The following SEMA3C variants were observed in gnomAD, a reference collection of about 807,000 sequenced individuals.
SEMA3C encodes the protein semaphorin-3C.
SEMA3C carries 47 observed loss-of-function variants against 89.4 expected under a neutral mutation model. The ratio of observed to expected loss-of-function variants is 0.53; its 90% CI spans 0.42 to 0.67. The LOEUF is 0.67. SEMA3C is among the 30% of genes least tolerant of loss of function. The pLI is 0.00. For missense variants in SEMA3C, 839 were observed against 929.1 expected, an observed-to-expected ratio of 0.90 and a Z score of 1.26; for synonymous variants, 310 against 320.2, an observed-to-expected ratio of 0.97 and a Z score of 0.34.
At chr7:80,803,996 C>A in intron 8 of SEMA3C, 110 bp downstream of exon 8, 3 of 895,312 alleles carry the variant, frequency 3.4e-6, no homozygotes, top group Non-Finnish European at 3.2e-6. Context: ...ACATTAAATG[C>A]TTCCCTCAAT....
At chr7:80,779,849 C>T (rs1788652802) in intron 12 of SEMA3C, among the ~76,000 whole-genome samples, 2 of 152,136 alleles carry the variant, frequency 1.3e-5, no homozygotes, top group Admixed American at 6.5e-5. Flanking sequence ...CTCTACTAGC[C>T]TTGAAGAAGC....
chr7:80,867,665 T>C (rs926847975), intron 2 of SEMA3C, among the ~76,000 whole-genome samples: 27 of 152,132 alleles, frequency 1.8e-4, no homozygotes, highest in African/African-American at 6.0e-4. Flanking sequence ...AGTGGTATCA[T>C]ATAATGCTGG....
intron 2 of SEMA3C, among the ~76,000 whole-genome samples, chr7:80,873,532 G>C (rs1298856623): frequency 6.6e-6 from 1 of 152,076 alleles, no homozygotes; most frequent in African/African-American, 2.4e-5. Flanking sequence ...TTTCTATGTG[G>C]GGCAAGGAGA....
chr7:80,841,035 G>A (rs560055785), intron 2 of SEMA3C, among the ~76,000 whole-genome samples: 128 of 152,186 alleles, frequency 8.4e-4, no homozygotes, highest in African/African-American at 2.7e-3. Flanking sequence ...ATCAAGAAGC[G>A]GAATGGAGTG....
At chr7:80,754,128 G>A (rs1284952371) in intron 15 of SEMA3C, among the ~76,000 whole-genome samples, 1 of 152,136 alleles carries the variant, frequency 6.6e-6, no homozygotes, top group Non-Finnish European at 1.5e-5. Flanking sequence ...GTAGAGACGG[G>A]GTTTCACCAT....
At chr7:80,916,462 T>C (rs753421214) in intron 2 of SEMA3C, among the ~76,000 whole-genome samples, 18 of 152,200 alleles carry the variant, frequency 1.2e-4, no homozygotes, top group Non-Finnish European at 2.4e-4. Context: ...AAGCAGCATA[T>C]ATTATAAGCA....
intron 2 of SEMA3C, among the ~76,000 whole-genome samples, chr7:80,893,055 A>G (rs1251248624): frequency 1.3e-5 from 2 of 152,218 alleles, no homozygotes; most frequent in East Asian, 3.8e-4. Context: ...TCATTAGCAG[A>G]TGACTAAAAG....
intron 5 of SEMA3C, among the ~76,000 whole-genome samples, chr7:80,812,777 G>T (rs1304939048): frequency 6.6e-6 from 1 of 151,640 alleles, no homozygotes; most frequent in Non-Finnish European, 1.5e-5. Flanking sequence ...GCATGTTTTT[G>T]TTGTTGTTGT....
chr7:80,847,834 CT>C (rs1790425911), intron 2 of SEMA3C, among the ~76,000 whole-genome samples: 1 of 152,130 alleles, frequency 6.6e-6, no homozygotes, highest in Non-Finnish European at 1.5e-5. Context: ...ATACAATCAG[CT>C]TTTTACTCTG....
intron 5 of SEMA3C, among the ~76,000 whole-genome samples, chr7:80,817,471 A>G (rs1469918937): frequency 6.6e-6 from 1 of 152,228 alleles, no homozygotes; most frequent in African/African-American, 2.4e-5. Flanking sequence ...TAAAATAATT[A>G]TGTTAAGTAA....
chr7:80,771,166 C>T (rs557499302), intron 12 of SEMA3C, among the ~76,000 whole-genome samples: 37 of 152,330 alleles, frequency 2.4e-4, no homozygotes, highest in Non-Finnish European at 4.3e-4. Flanking sequence ...ACATCAATAA[C>T]GTTCTCAGTA....
intron 11 of SEMA3C, among the ~76,000 whole-genome samples, chr7:80,794,771 C>T (rs991687278): frequency 5.9e-5 from 9 of 152,208 alleles, no homozygotes; most frequent in Admixed American, 2.6e-4. Context: ...TATGTTTGCT[C>T]GGCCACAGAG....
chr7:80,898,498 A>C (rs1791794813), intron 2 of SEMA3C, among the ~76,000 whole-genome samples: 1 of 152,148 alleles, frequency 6.6e-6, no homozygotes, highest in Non-Finnish European at 1.5e-5. Flanking sequence ...TAGCAGAGTA[A>C]TTGTATTAAT....
At position 80,800,798 on chromosome 7, in the gene SEMA3C, GT is replaced by G; in HGVS notation, c.944del (p.Asn315ThrfsTer6). The G allele has an allele frequency of 6.6e-7, 1 of 1,516,264 alleles. No individual in the cohort carries two copies. Among genetic ancestry groups the G allele is most frequent in the Admixed American group, 2.4e-5 (1 of 41,152 alleles). The allele number at this position is 1,516,264 out of a possible 1,614,324, so 93.9% of individuals were successfully genotyped here. A position where few individuals can be genotyped will look rare whatever the true frequency, so the allele number is the denominator to read the frequency against. On this transcript the variant is annotated frameshift_variant, in exon 10 of 18. Transcript: ENST00000265361. LOFTEE classifies it high-confidence loss of function. Reference protein sequence around the residue: ...LEDVFLLETDNPRTTLVYGIF... With the variant: ...LEDVFLLETDXPRTTLVYGIF... ...TGCCATACACTAGTGTTGTCCTCGG[GT>G]TATCAGTTTCCAGCAGAAACACATC...
chr7:80,781,144 G>C (rs913240635), intron 12 of SEMA3C, among the ~76,000 whole-genome samples: 6 of 152,254 alleles, frequency 3.9e-5, no homozygotes, highest in African/African-American at 1.4e-4. Flanking sequence ...GGCCAGGAAA[G>C]CTCTGCTTTT....
chr7:80,901,473 G>C (rs1791878746), intron 2 of SEMA3C, among the ~76,000 whole-genome samples: 1 of 152,108 alleles, frequency 6.6e-6, no homozygotes, highest in African/African-American at 2.4e-5. Flanking sequence ...TATATCCTAA[G>C]CATTTCTTAC....
chr7:80,909,773 T>C (rs963200501), intron 2 of SEMA3C, among the ~76,000 whole-genome samples: 1 of 152,192 alleles, frequency 6.6e-6, no homozygotes, highest in East Asian at 1.9e-4. Flanking sequence ...ACAAGACTAG[T>C]ATGTTCATTA....
At chr7:80,816,341 CA>C (rs1789607142) in intron 5 of SEMA3C, 1 of 152,156 alleles carries the variant, frequency 6.6e-6, no homozygotes, top group East Asian at 1.9e-4. Context: ...ACCTTCTATT[CA>C]AAATTAGGTT....
intron 15 of SEMA3C, among the ~76,000 whole-genome samples, chr7:80,755,704 T>C (rs1339407519): frequency 6.6e-6 from 1 of 152,018 alleles, no homozygotes. Context: ...ATCACCTTAC[T>C]AAGAGCTATG....
Sources: gnomAD v4.1 joint callset for allele counts (sites outside exome capture counted in the v4.1 genomes callset) on GRCh38, gnomAD v4.1.1 for gene constraint, MANE v1.5 for transcripts, NCBI Gene and HGNC (gene_info 2026-07-23, HGNC 2026-07-21) for gene names.